SLC37A1: variants seen among roughly 807,000 people sequenced by gnomAD.
The protein encoded by SLC37A1 is glucose-6-phosphate exchanger SLC37A1.
A neutral mutation model predicts 75.3 loss-of-function variants in SLC37A1; 49 were observed. The observed-to-expected ratio is 0.65, with a 90% CI of 0.52 to 0.83. SLC37A1 has a LOEUF of 0.83. Among genes scored for constraint, SLC37A1 ranks in the 40% least tolerant of loss-of-function variants. The pLI is 0.00. For missense variants in SLC37A1, 566 were observed against 695.0 expected (o/e 0.81, Z 2.09); for synonymous variants, 268 against 292.1 (o/e 0.92, Z 0.84).
At chr21:42,500,793 A>G (rs2054334768) in intron 1 of SLC37A1, among the ~76,000 whole-genome samples, 1 of 152,218 alleles carries the variant, frequency 6.6e-6, no homozygotes, top group Non-Finnish European at 1.5e-5. Context: ...GGAAATATAT[A>G]GACAGGTAGA....
chr21:42,543,602 C>T lies in SLC37A1; in HGVS notation c.730C>T (p.His244Tyr), dbSNP rs771568649. The T allele has an allele frequency of 1.1e-5, 18 of 1,593,022 alleles. No individual in the cohort carries two copies. Among genetic ancestry groups the T allele is most frequent in the African/African-American group, 1.1e-4 (8 of 74,166 alleles). The change falls in exon 8 of 20, where the codon CAT (histidine) becomes TAT (tyrosine). Residue 244 changes from histidine (H) to tyrosine (Y), a missense_variant and splice_region_variant. By Grantham distance (83) the His-to-Tyr change is moderately conservative (BLOSUM62 2). Coordinates refer to ENST00000352133, the MANE Select transcript of SLC37A1 (RefSeq NM_001320537.2). ...AGTGTGCTTTCTCTTCCTCATTGAA[C>T]GTAAGTGCACGTGGCCTTGGAGACC... ...GIVCFLFLIE[H>Y]PNDVRCSSTL...
At chr21:42,516,388 G>A (rs1423333211) in intron 1 of SLC37A1, among the ~76,000 whole-genome samples, 4 of 152,162 alleles carry the variant, frequency 2.6e-5, no homozygotes, top group African/African-American at 7.2e-5. Context: ...TGAAAAGAAC[G>A]CCCTGCCTCT....
chr21:42,573,534 G>T (rs2056238304), intron 17 of SLC37A1, among the ~76,000 whole-genome samples: 1 of 152,020 alleles, frequency 6.6e-6, no homozygotes, highest in South Asian at 2.1e-4. Context: ...CAGTGATGGC[G>T]CAGTTCATGT....
At chr21:42,528,196 T>C (rs1429139428) in intron 3 of SLC37A1, among the ~76,000 whole-genome samples, 1 of 152,230 alleles carries the variant, frequency 6.6e-6, no homozygotes, top group Admixed American at 6.5e-5. Flanking sequence ...TGATCACTGC[T>C]GATTAATTGT....
At chr21:42,508,150 G>A (rs1219993551) in intron 2 of SLC37A1, among the ~76,000 whole-genome samples, 3 of 127,466 alleles carry the variant, frequency 2.4e-5, no homozygotes, top group Non-Finnish European at 4.8e-5. Flanking sequence ...TTTTTTTGAG[G>A]CGGAGTCTCG....
At position 42,570,264 on chromosome 21, in the gene SLC37A1, C is replaced by T. The variant is rs111911382; in HGVS notation, c.1423+1826C>T. 3.8e-4 allele frequency among the ~76,000 whole-genome samples: 50 copies of T among 130,752 alleles called. 3 individuals are homozygous for T. In the South Asian group the frequency reaches 7.9e-3, roughly 21 times the overall value. The allele number at this position is 130,752 out of a possible 152,430, so 85.8% of individuals were successfully genotyped here. Reference sequence around the variant, plus strand: ...TGACACACGGCCTGGTTCTGAGAAGCGGCAGGCAGGGTGGCCGTTGTCATG... The same window carrying T: ...TGACACACGGCCTGGTTCTGAGAAGTGGCAGGCAGGGTGGCCGTTGTCATG... On this transcript the variant is annotated intron_variant, in intron 17 of 19. Transcript: ENST00000352133.
chr21:42,500,324 A>G (rs2054330184), intron 1 of SLC37A1, among the ~76,000 whole-genome samples: 1 of 152,256 alleles, frequency 6.6e-6, no homozygotes, highest in African/African-American at 2.4e-5. Context: ...AACTTTTTAA[A>G]ATAGTGTTGG....
At chr21:42,565,704 G>T (rs879016334) in intron 14 of SLC37A1, 123 bp from the exon 15 acceptor site, 5 of 831,108 alleles carry the variant, frequency 6.0e-6, no homozygotes, top group South Asian at 3.1e-5. Flanking sequence ...CTTTTTTAGG[G>T]GTTTCCACTC....
At chr21:42,525,901 TC>T (rs767761217) in intron 3 of SLC37A1, 44 bp downstream of exon 3, 2 of 1,483,314 alleles carry the variant, frequency 1.3e-6, no homozygotes, top group Non-Finnish European at 1.9e-6. Context: ...TGTGAGGAGT[TC>T]GTCACTTGAA....
At chr21:42,543,274 G>A (rs139014595) in intron 7 of SLC37A1, among the ~76,000 whole-genome samples, 162 bp from the exon 8 acceptor site, 18 of 152,360 alleles carry the variant, frequency 1.2e-4, no homozygotes, top group East Asian at 1.2e-3. Context: ...ATCAGCTCTC[G>A]TGAGCATCGC....
intron 2 of SLC37A1, among the ~76,000 whole-genome samples, chr21:42,525,020 G>A (rs986279132): frequency 2.0e-5 from 3 of 152,138 alleles, no homozygotes; most frequent in Non-Finnish European, 2.9e-5. Flanking sequence ...CTGCTCGATC[G>A]TGCCTGTGTA....
chr21:42,533,630 C>A (rs1031344610), intron 3 of SLC37A1, among the ~76,000 whole-genome samples: 1 of 152,144 alleles, frequency 6.6e-6, no homozygotes, highest in Non-Finnish European at 1.5e-5. Flanking sequence ...GAAGCACCCA[C>A]TCAGGCCCCT....
chr21:42,502,997 C>A (rs1265012024), intron 2 of SLC37A1: 1 of 152,138 alleles, frequency 6.6e-6, no homozygotes, highest in Non-Finnish European at 1.5e-5. Context: ...TGGTGTGAAT[C>A]CTTTCATGCT....
intron 16 of SLC37A1, among the ~76,000 whole-genome samples, chr21:42,567,671 G>A (rs1305011837): frequency 6.6e-6 from 1 of 152,094 alleles, no homozygotes; most frequent in East Asian, 1.9e-4. Flanking sequence ...TACATATTAC[G>A]TGCATATACA....
chr21:42,509,611 T>A (rs568968047), upstream of SLC37A1: 30 of 152,352 alleles, frequency 2.0e-4, no homozygotes, highest in African/African-American at 6.3e-4. This position sits in a 1 kb window ranked among gnomAD's most constrained non-coding sequence, Gnocchi z 4.2. Context: ...GTCAGTTTTA[T>A]ATCCGTAGGC....
At position 42,580,426 on chromosome 21, in the gene SLC37A1, TCAGA is replaced by T. The variant is rs2056402905; in HGVS notation, c.*69_*72del. 3.2e-6 allele frequency: 5 copies of T among 1,564,696 alleles called. No homozygotes were observed. The highest frequency in any genetic ancestry group is 4.4e-6 in the Non-Finnish European group (5 of 1,146,724). On this transcript the variant is annotated 3_prime_UTR_variant, in exon 20 of 20. Coordinates refer to ENST00000352133, the MANE Select transcript of SLC37A1 (RefSeq NM_001320537.2). Reference sequence around the variant, plus strand: ...TTCACAACTGCCTTTCAAGGACAGTTCAGACAAAGGGCCCTGCATGGAAAGAGTG... The same window carrying T: ...TTCACAACTGCCTTTCAAGGACAGTTCAAAGGGCCCTGCATGGAAAGAGTG...
intron 3 of SLC37A1, among the ~76,000 whole-genome samples, chr21:42,527,585 C>T (rs375838227): frequency 1.3e-5 from 2 of 151,994 alleles, no homozygotes; most frequent in Non-Finnish European, 2.9e-5. Flanking sequence ...AGCAACCCTG[C>T]GAGTGCCCCT....
chr21:42,580,100 T>TC (rs1484948122), intron 19 of SLC37A1, among the ~76,000 whole-genome samples: 2 of 150,028 alleles, frequency 1.3e-5, no homozygotes, highest in Non-Finnish European at 1.5e-5. Flanking sequence ...TCTCCCTCCC[T>TC]CCTCTTTTCC....
chr21:42,570,313 A>AGCGGCAGGCAGG lies in SLC37A1; in HGVS notation c.1423+1876_1423+1877insCGGCAGGCAGGG. Among the ~76,000 whole-genome samples, 70 of 107,986 alleles carry AGCGGCAGGCAGG rather than the reference A, an allele frequency of 6.5e-4. 23 individuals are homozygous for AGCGGCAGGCAGG. In the South Asian group the frequency reaches 0.017, roughly 26 times the overall value. The allele number at this position is 107,986 out of a possible 152,430, so 70.8% of individuals were successfully genotyped here. A position where few individuals can be genotyped will look rare whatever the true frequency, so the allele number is the denominator to read the frequency against. ...TGCGACACACGGCCTGGTTCTGAGA[A>AGCGGCAGGCAGG]GTGGTGGGCAGGGTGGCTGTTGCTC... On this transcript the variant is annotated intron_variant, in intron 17 of 19. Coordinates refer to ENST00000352133, the MANE Select transcript of SLC37A1 (RefSeq NM_001320537.2).
Sources: allele counts gnomAD v4.1 joint callset (sites outside exome capture counted in the v4.1 genomes callset), GRCh38; gene constraint gnomAD v4.1.1; non-coding constraint Gnocchi (gnomAD v3.1); transcripts MANE v1.5; gene names NCBI Gene and HGNC (gene_info 2026-07-23, HGNC 2026-07-21).